The following ANOS1 variants were observed in gnomAD, a reference collection of about 807,000 sequenced individuals.
ANOS1 encodes the protein anosmin-1.
ANOS1 carries 6 observed loss-of-function variants against 59.0 expected under a neutral mutation model. That is an observed-to-expected ratio of 0.10 (90% CI 0.06 to 0.20). The LOEUF is 0.20. Among genes scored for constraint, ANOS1 ranks in the 10% least tolerant of loss-of-function variants. The pLI is 1.00. For missense variants in ANOS1, 433 were observed against 542.3 expected (o/e 0.80, Z 2.00); for synonymous variants, 217 against 223.4 (o/e 0.97, Z 0.25).
chrX:8,634,984 G>C (rs1931549440), intron 2 of ANOS1, among the ~76,000 whole-genome samples: 1 of 111,305 alleles, frequency 9.0e-6, no homozygotes, highest in South Asian at 3.8e-4. Context: ...AGTTTCAATA[G>C]GCTGTATAAA....
intron 2 of ANOS1, among the ~76,000 whole-genome samples, chrX:8,637,739 C>T (rs970639409): frequency 8.9e-6 from 1 of 112,403 alleles, no homozygotes; most frequent in African/African-American, 3.2e-5. Context: ...ATTCAACATC[C>T]ATCACACCCA....
rs1386188838 is a variant in ANOS1 at position 8,534,480 on chromosome X, G to C, written c.1843-20C>G. ...ATGATCCTAAGGGGACAACATAAAAGAGCATGCTCACCGACAACCTTTCAG... is the reference window on the plus strand; with the variant it reads ...ATGATCCTAAGGGGACAACATAAAACAGCATGCTCACCGACAACCTTTCAG... On this transcript the variant is annotated intron_variant, in intron 12 of 13. Coordinates refer to ENST00000262648, the MANE Select transcript of ANOS1 (RefSeq NM_000216.4). 3.3e-6 allele frequency: 4 copies of C among 1,206,139 alleles called. No individual in the cohort carries two copies. The highest frequency in any genetic ancestry group is 4.5e-6 in the Non-Finnish European group (4 of 890,923).
At chrX:8,601,685 C>T (rs12390878) in intron 3 of ANOS1, among the ~76,000 whole-genome samples, 41,910 of 110,361 alleles carry the variant, frequency 0.38, 5,742 homozygotes, top group South Asian at 0.43. Flanking sequence ...ATCTTTGCAC[C>T]CATGGTTTCT....
At chrX:8,677,658 G>T (rs1932357457) in intron 2 of ANOS1, among the ~76,000 whole-genome samples, 1 of 111,555 alleles carries the variant, frequency 9.0e-6, no homozygotes, top group Non-Finnish European at 1.9e-5. Flanking sequence ...AGATACAACA[G>T]TTAAGAAATA....
At chrX:8,591,276 T>G (rs1930611750) in intron 4 of ANOS1, among the ~76,000 whole-genome samples, 3 of 110,475 alleles carry the variant, frequency 2.7e-5, no homozygotes, top group Non-Finnish European at 5.7e-5. Flanking sequence ...CGAGGGAGAG[T>G]AGCCGCAGAG....
intron 6 of ANOS1, among the ~76,000 whole-genome samples, chrX:8,584,431 T>A (rs1365598818): frequency 9.0e-6 from 1 of 110,876 alleles, no homozygotes. Context: ...TGTTTGTTTT[T>A]AAAAAAAAGA....
chrX:8,710,959 C>T (rs1410016706), intron 1 of ANOS1, among the ~76,000 whole-genome samples: 1 of 112,136 alleles, frequency 8.9e-6, no homozygotes, highest in Admixed American at 9.5e-5. Context: ...TACTCAAGGG[C>T]AGGACCAAGA....
intron 2 of ANOS1, among the ~76,000 whole-genome samples, chrX:8,655,178 G>T (rs1931911762): frequency 9.0e-6 from 1 of 111,495 alleles, no homozygotes; most frequent in Admixed American, 9.6e-5. Flanking sequence ...AACTCACCAT[G>T]ATGTAGAATC....
chrX:8,610,060 T>A, intron 3 of ANOS1, among the ~76,000 whole-genome samples: 1 of 105,064 alleles, frequency 9.5e-6, no homozygotes, highest in African/African-American at 3.5e-5. Context: ...GAGCACCCAT[T>A]TTTCTTCAGT....
intron 2 of ANOS1, among the ~76,000 whole-genome samples, chrX:8,667,994 ACGAGTGT>A: frequency 9.0e-6 from 1 of 111,232 alleles, no homozygotes. Flanking sequence ...CAAAATGCTG[ACGAGTGT>A]CAAGTGTCAG....
chrX:8,702,895 T>G (rs1932763622), intron 1 of ANOS1, among the ~76,000 whole-genome samples: 1 of 112,080 alleles, frequency 8.9e-6, no homozygotes, highest in South Asian at 3.7e-4. Context: ...AGCACCATCT[T>G]GGTTGGAAGG....
chrX:8,534,493 G>A (rs778956810), intron 12 of ANOS1, 33 bp from the exon 13 acceptor site: 52 of 1,195,974 alleles, frequency 4.3e-5, no homozygotes, highest in African/African-American at 7.0e-5. Context: ...CATGCTCACC[G>A]ACAACCTTTC....
chrX:8,552,319 G>T (rs1190454083), intron 9 of ANOS1, among the ~76,000 whole-genome samples: 1 of 111,793 alleles, frequency 8.9e-6, no homozygotes, highest in Non-Finnish European at 1.9e-5. Context: ...CATACTCTAC[G>T]GCCTAAGAAT....
rs1202912111 is a variant in ANOS1, at chrX:8,725,713, T to TATATATATATACAGATATATATATACAG, written c.207+6089_207+6116dup. On this transcript the variant is annotated intron_variant, in intron 1 of 13. Transcript: ENST00000262648. ...ATATATACAGATATATATATACAGA[T>TATATATATATACAGATATATATATACAG]ATATATATATACAGATATATATATA... Among the ~76,000 whole-genome samples, 56 of 49,924 alleles carry TATATATATATACAGATATATATATACAG rather than the reference T, an allele frequency of 1.1e-3. 4 individuals are homozygous for TATATATATATACAGATATATATATACAG. The highest frequency in any genetic ancestry group is 1.7e-3 in the Non-Finnish European group (48 of 28,861). The allele number at this position is 49,924 out of a possible 115,157, so 43.4% of individuals were successfully genotyped here.
chrX:8,731,800 G>A (rs753322718), intron 1 of ANOS1, 30 bp downstream of exon 1: 1 of 1,171,026 alleles, frequency 8.5e-7, no homozygotes, highest in Admixed American at 2.4e-5. Context: ...CGCAGCCCCA[G>A]AAAGAACCCG....
At position 8,587,925 on chromosome X, in the gene ANOS1, G is replaced by T. The variant is rs1269977076; in HGVS notation, c.595C>A (p.Gln199Lys). 3 of 1,207,681 alleles carry T rather than the reference G, an allele frequency of 2.5e-6. No homozygotes were observed. The highest frequency in any genetic ancestry group is 1.1e-6 in the Non-Finnish European group (1 of 893,657). ...ELRFTELQSG[Q>K]LEVKWSSKFN... ...TTCGAGGACCACTTAACCTCCAGCTGTCCAGACTGCAGTTCTGTAAATCGT... is the reference window on the plus strand; with the variant it reads ...TTCGAGGACCACTTAACCTCCAGCTTTCCAGACTGCAGTTCTGTAAATCGT... The change falls in exon 5 of 14, where the codon CAG becomes AAG. Residue 199 changes from glutamine (Q) to lysine (K), a missense_variant. By Grantham distance (53) the Gln-to-Lys change is moderately conservative (BLOSUM62 1). Coordinates refer to ENST00000262648, the MANE Select transcript of ANOS1 (RefSeq NM_000216.4).
chrX:8,565,460 A>G (rs1271767898), intron 8 of ANOS1, among the ~76,000 whole-genome samples: 2 of 111,971 alleles, frequency 1.8e-5, no homozygotes, highest in African/African-American at 6.5e-5. Flanking sequence ...AAAGAGAGAG[A>G]TCTGTAACTA....
intron 6 of ANOS1, among the ~76,000 whole-genome samples, chrX:8,583,137 T>C (rs7062849): frequency 0.05 from 5,424 of 108,166 alleles, 391 homozygotes; most frequent in African/African-American, 0.18. Context: ...TTTTTTTTTT[T>C]CCCAAATAGG....
chrX:8,569,387 A>C (rs1336314925), intron 7 of ANOS1, among the ~76,000 whole-genome samples: 4 of 112,733 alleles, frequency 3.5e-5, no homozygotes, highest in Non-Finnish European at 5.6e-5. Flanking sequence ...TCACGCCTGT[A>C]ATCCCAGCAC....
Sources: allele counts gnomAD v4.1 joint callset (sites outside exome capture counted in the v4.1 genomes callset), GRCh38; gene constraint gnomAD v4.1.1; transcripts MANE v1.5; gene names NCBI Gene and HGNC (gene_info 2026-07-23, HGNC 2026-07-21).